The following TTC27 variants were observed in gnomAD, a reference collection of about 807,000 sequenced individuals.
The protein encoded by TTC27 is tetratricopeptide repeat domain 27.
In TTC27, 79 loss-of-function variants were observed where a neutral mutation model predicts 115.9. The ratio of observed to expected loss-of-function variants is 0.68; its 90% CI spans 0.57 to 0.82. TTC27 has a LOEUF of 0.82. Ranked by LOEUF, TTC27 falls within the 40% of genes least tolerant of loss-of-function variation. The probability of loss-of-function intolerance (pLI) is 0.00; values close to 1 mark genes in which losing one functional copy is unlikely to be tolerated. For synonymous variants in TTC27, 401 were observed against 356.0 expected (o/e 1.13, Z -1.42); for missense variants, 1,054 against 993.1 (o/e 1.06, Z -0.82).
intron 15 of TTC27, among the ~76,000 whole-genome samples, chr2:32,782,991 TCAGTTGA>T (rs1231310590): frequency 1.3e-5 from 2 of 152,216 alleles, no homozygotes; most frequent in Non-Finnish European, 2.9e-5. Flanking sequence ...GTTGGTCAAC[TCAGTTGA>T]CAGTTATTTT....
In TTC27 at chr2:32,678,992, C is replaced by T. The variant is rs188437971; in HGVS notation, c.1119+70C>T. On this transcript the variant is annotated intron_variant, in intron 9 of 19. Transcript: ENST00000317907. Reference sequence around the variant, plus strand: ...AATTACTTCCTCTGGTATGGTCTTGCCTTGGATTGTTTATGTTGAAACACT... The same window carrying T: ...AATTACTTCCTCTGGTATGGTCTTGTCTTGGATTGTTTATGTTGAAACACT... 1.4e-4 allele frequency: 193 copies of T among 1,372,230 alleles called. No homozygotes were observed. In the East Asian group the frequency reaches 4.1e-3, roughly 29 times the overall value. The allele number at this position is 1,372,230 out of a possible 1,614,324, so 85.0% of individuals were successfully genotyped here. A position where few individuals can be genotyped will look rare whatever the true frequency, so the allele number is the denominator to read the frequency against.
chr2:32,630,775 T>C (rs1664157512), intron 2 of TTC27, 75 bp downstream of exon 2: 1 of 1,373,646 alleles, frequency 7.3e-7, no homozygotes, highest in Non-Finnish European at 9.8e-7. Flanking sequence ...GGTAAGGCCC[T>C]GATTTTAGCA....
chr2:32,669,314 A>G (rs1180805103), intron 7 of TTC27, among the ~76,000 whole-genome samples: 4 of 152,166 alleles, frequency 2.6e-5, no homozygotes, highest in African/African-American at 9.7e-5. Flanking sequence ...TTTGTATGTG[A>G]AATAAAATAC....
At chr2:32,665,564 T>C (rs148542919) in intron 6 of TTC27, among the ~76,000 whole-genome samples, 1 of 152,156 alleles carries the variant, frequency 6.6e-6, no homozygotes, top group South Asian at 2.1e-4. Flanking sequence ...GAGAATCAGG[T>C]TATTCTTTTT....
intron 12 of TTC27, among the ~76,000 whole-genome samples, chr2:32,750,341 C>T (rs1434914706): frequency 6.6e-6 from 1 of 152,226 alleles, no homozygotes; most frequent in Non-Finnish European, 1.5e-5. Flanking sequence ...GTTCTGGGAT[C>T]TGCAGAGCAT....
chr2:32,815,268 G>T, intron 18 of TTC27, among the ~76,000 whole-genome samples: 1 of 97,640 alleles, frequency 1.0e-5, no homozygotes, highest in Non-Finnish European at 1.8e-5. Flanking sequence ...ACGGAGTCTT[G>T]CTCTGTCGCC....
intron 5 of TTC27, among the ~76,000 whole-genome samples, chr2:32,655,732 CTTT>C (rs879793007): frequency 7.1e-6 from 1 of 140,868 alleles, no homozygotes. Context: ...CTACAAAGTC[CTTT>C]TTTTTTTTTT....
chr2:32,796,046 T>C (rs1670692493), intron 16 of TTC27, among the ~76,000 whole-genome samples: 1 of 152,128 alleles, frequency 6.6e-6, no homozygotes, highest in Non-Finnish European at 1.5e-5. Context: ...TGTGATCTTG[T>C]ATGTAGAAAA....
chr2:32,789,147 A>G (rs986990205), intron 16 of TTC27, among the ~76,000 whole-genome samples: 2 of 152,218 alleles, frequency 1.3e-5, no homozygotes, highest in Non-Finnish European at 2.9e-5. Context: ...AAAAGCTGTT[A>G]CTTGTACATC....
chr2:32,783,992 A>G (rs1412464476), intron 15 of TTC27, among the ~76,000 whole-genome samples: 1 of 152,228 alleles, frequency 6.6e-6, no homozygotes, highest in Non-Finnish European at 1.5e-5. Context: ...TGACATAAAT[A>G]AAGTCTATCT....
chr2:32,796,615 A>G (rs1398745786), intron 16 of TTC27, among the ~76,000 whole-genome samples: 2 of 152,218 alleles, frequency 1.3e-5, no homozygotes, highest in East Asian at 1.9e-4. Flanking sequence ...GGAAATCTGA[A>G]TGGATTGGTT....
At chr2:32,809,458 C>T (rs535653809) in intron 16 of TTC27, among the ~76,000 whole-genome samples, 19 of 152,290 alleles carry the variant, frequency 1.2e-4, no homozygotes, top group African/African-American at 4.3e-4. Context: ...CCCTGCAGAC[C>T]GTCAACATCA....
intron 9 of TTC27, among the ~76,000 whole-genome samples, chr2:32,681,349 C>T (rs929576894): frequency 2.6e-4 from 40 of 152,114 alleles, no homozygotes; most frequent in Non-Finnish European, 3.4e-4. Context: ...CTTGTCAGCC[C>T]TTGTCAGCTC....
chr2:32,698,304 A>C (rs531424827), intron 9 of TTC27, among the ~76,000 whole-genome samples: 2 of 151,448 alleles, frequency 1.3e-5, no homozygotes, highest in East Asian at 3.9e-4. Flanking sequence ...AAATTTGATA[A>C]ATTTTTTTGT....
chr2:32,783,397 A>G (rs539736040), intron 15 of TTC27, among the ~76,000 whole-genome samples: 7 of 152,366 alleles, frequency 4.6e-5, no homozygotes, highest in Non-Finnish European at 1.0e-4. Context: ...AATGACAGGA[A>G]TGAATGTAGT....
chr2:32,711,636 T>C (rs1359065716), intron 10 of TTC27, among the ~76,000 whole-genome samples: 2 of 152,146 alleles, frequency 1.3e-5, no homozygotes, highest in Admixed American at 6.5e-5. Flanking sequence ...GATAAAATGG[T>C]AAACTTAAAA....
At chr2:32,647,316 A>C (rs532504961) in intron 4 of TTC27, among the ~76,000 whole-genome samples, 55 of 152,290 alleles carry the variant, frequency 3.6e-4, no homozygotes, top group Middle Eastern at 6.8e-3. Flanking sequence ...GAAAAGTAAA[A>C]GAATAAGCTG....
At chr2:32,646,964 T>TG (rs1664888456) in intron 4 of TTC27, among the ~76,000 whole-genome samples, 1 of 151,892 alleles carries the variant, frequency 6.6e-6, no homozygotes, top group Admixed American at 6.6e-5. Flanking sequence ...ATATGTTTTT[T>TG]TTTGTTTGTT....
intron 10 of TTC27, among the ~76,000 whole-genome samples, chr2:32,709,813 T>C (rs1207149631): frequency 1.3e-5 from 2 of 152,118 alleles, no homozygotes; most frequent in African/African-American, 4.8e-5. Context: ...AGAGGGAAGG[T>C]GAAGATGTAG....
Sources: gnomAD v4.1 joint callset for allele counts (sites outside exome capture counted in the v4.1 genomes callset) on GRCh38, gnomAD v4.1.1 for gene constraint, MANE v1.5 for transcripts, NCBI Gene and HGNC (gene_info 2026-07-23, HGNC 2026-07-21) for gene names.